EIF4H: variants seen among roughly 807,000 people sequenced by gnomAD.
EIF4H encodes the protein Williams-Beuren syndrome chromosome region 1.
EIF4H carries 8 observed loss-of-function variants against 30.6 expected under a neutral mutation model. That is an observed-to-expected ratio of 0.26 (90% CI 0.15 to 0.47). The LOEUF is 0.47. Ranked by LOEUF, EIF4H falls within the 20% of genes least tolerant of loss-of-function variation. The pLI, the probability that EIF4H is intolerant of heterozygous loss-of-function variation, is 0.99. For synonymous variants in EIF4H, 106 were observed against 122.7 expected (o/e 0.86, Z 0.90); for missense variants, 188 against 339.5 (o/e 0.55, Z 3.51).
chr7:74,174,376 G>T lies in EIF4H; in HGVS notation c.-8G>T. ...TCACCCTGGTTCCTCTCGGAGCGGA[G>T]ACGGCAAATGGCGGACTTCGACACC... On this transcript the variant is annotated 5_prime_UTR_variant, in exon 1 of 7. Coordinates refer to ENST00000265753, the MANE Select transcript of EIF4H (RefSeq NM_022170.2). 1.4e-6 allele frequency: 2 copies of T among 1,455,200 alleles called. No homozygotes were observed. The highest frequency in any genetic ancestry group is 1.8e-6 in the Non-Finnish European group (2 of 1,089,418). The allele number at this position is 1,455,200 out of a possible 1,614,324, so 90.1% of individuals were successfully genotyped here. A position where few individuals can be genotyped will look rare whatever the true frequency, so the allele number is the denominator to read the frequency against.
chr7:74,182,813 T>C (rs900251996), intron 1 of EIF4H, among the ~76,000 whole-genome samples: 3 of 152,226 alleles, frequency 2.0e-5, no homozygotes, highest in Non-Finnish European at 2.9e-5. Context: ...CAGTCTCCTT[T>C]GACACCTACA....
At position 74,186,788 on chromosome 7, in the gene EIF4H, A is replaced by AAT. The variant is rs1801089805; in HGVS notation, c.60-823_60-822insAT. ...GCCCATAATCAGGCAACAAGGAGAA[A>AAT]TTTTTTTTTTTTTTTTTTTTTTTTT... is the stretch of plus-strand genomic sequence containing the variant. On this transcript the variant is annotated intron_variant, in intron 1 of 6. Coordinates refer to ENST00000265753, the MANE Select transcript of EIF4H (RefSeq NM_022170.2). 1.7e-4 allele frequency among the ~76,000 whole-genome samples: 12 copies of AAT among 70,126 alleles called. 1 individual carries two copies. The highest frequency in any genetic ancestry group is 4.5e-4 in the East Asian group (1 of 2,226). 46.0% of individuals were successfully genotyped at this position (70,126 alleles called of 152,430 possible).
intron 5 of EIF4H, among the ~76,000 whole-genome samples, chr7:74,192,503 G>T (rs1279103158): frequency 6.6e-6 from 1 of 151,836 alleles, no homozygotes; most frequent in African/African-American, 2.4e-5. Context: ...CACCTTTAAA[G>T]AATAGAAATC....
chr7:74,194,976 GT>G (rs1801309523), intron 6 of EIF4H, 98 bp downstream of exon 6: 10 of 1,513,172 alleles, frequency 6.6e-6, no homozygotes, highest in Non-Finnish European at 8.9e-6. Flanking sequence ...GGCACACAGA[GT>G]TGTCGGCATA....
At position 74,187,530 on chromosome 7, in the gene EIF4H, G is replaced by A. The variant is rs893647929; in HGVS notation, c.60-81G>A. 1.8e-5 allele frequency: 25 copies of A among 1,368,224 alleles called. No individual in the cohort carries two copies. In the East Asian group the frequency reaches 4.6e-4, roughly 25 times the overall value. 84.8% of individuals were successfully genotyped at this position (1,368,224 alleles called of 1,614,324 possible). On this transcript the variant is annotated intron_variant, in intron 1 of 6. Coordinates refer to ENST00000265753, the MANE Select transcript of EIF4H (RefSeq NM_022170.2). ...GTGCCTCACCTGGGGCGCTGGCGGC[G>A]TAGCTCAGCGGAAGACCGCTTTACT...
chr7:74,186,788 A>AATTTT (rs1801089805), intron 1 of EIF4H, among the ~76,000 whole-genome samples: 3 of 70,110 alleles, frequency 4.3e-5, no homozygotes, highest in East Asian at 4.5e-4. Flanking sequence ...ACAAGGAGAA[A>AATTTT]TTTTTTTTTT....
At chr7:74,181,116 G>C (rs1800950970) in intron 1 of EIF4H, among the ~76,000 whole-genome samples, 1 of 152,184 alleles carries the variant, frequency 6.6e-6, no homozygotes, top group South Asian at 2.1e-4. Context: ...TCTAGTTCCA[G>C]AACCTTTTCA....
intron 5 of EIF4H, 30 bp downstream of exon 5, chr7:74,190,336 T>C: frequency 6.2e-7 from 1 of 1,608,678 alleles, no homozygotes; most frequent in Non-Finnish European, 8.5e-7. Flanking sequence ...CACCACTTAA[T>C]TTTTCCTAGG....
Position 74,174,415 on chromosome 7 carries a change from C to T in EIF4H, c.32C>T (p.Ala11Val), listed in dbSNP as rs782688044. The part of the protein sequence containing the change: MADFDTYDDR[A>V]YSSFGGGRGS... Reference sequence around the variant, plus strand: ...GACTTCGACACCTACGACGATCGGGCCTACAGCAGCTTCGGCGGCGGCAGA... The same window carrying T: ...GACTTCGACACCTACGACGATCGGGTCTACAGCAGCTTCGGCGGCGGCAGA... The change falls in exon 1 of 7, where the codon GCC (alanine) becomes GTC (valine). Residue 11 changes from alanine (A) to valine (V), a missense_variant. Physicochemically the swap from Ala to Val is moderately conservative, Grantham distance 64. Transcript: ENST00000265753. 2.1e-6 allele frequency: 3 copies of T among 1,452,274 alleles called. No homozygotes were observed. The highest frequency in any genetic ancestry group is 2.8e-6 in the Non-Finnish European group (3 of 1,088,140). 90.0% of individuals were successfully genotyped at this position (1,452,274 alleles called of 1,614,324 possible).
Position 74,197,084 on chromosome 7 carries a change from A to T in EIF4H, c.*1776A>T, listed in dbSNP as rs1801369880. On this transcript the variant is annotated 3_prime_UTR_variant, in exon 7 of 7. Transcript: ENST00000265753. The stretch of plus-strand genomic sequence containing the variant: ...TGAATGATCTTTTAAATAAAAGAAA[A>T]CCTTACGTAATATTTAATGCTTGCC... 1 of 152,520 alleles carries T rather than the reference A, an allele frequency of 6.6e-6. No individual in the cohort carries two copies. Among genetic ancestry groups the T allele is most frequent in the African/African-American group, 2.4e-5 (1 of 41,402 alleles). The allele number at this position is 152,520 out of a possible 1,614,324, so 9.4% of individuals were successfully genotyped here. A position where few individuals can be genotyped will look rare whatever the true frequency, so the allele number is the denominator to read the frequency against.
intron 5 of EIF4H, chr7:74,191,329 A>G (rs782125663): frequency 1.9e-6 from 1 of 522,422 alleles, no homozygotes; most frequent in Non-Finnish European, 3.9e-6. Context: ...AGCTCAGGGA[A>G]CGGCCTTTCC....
Position 74,188,794 on chromosome 7 carries a change from T to A in EIF4H, c.248-879T>A, listed in dbSNP as rs79334711. ...CAGCTCTAGAAGATGAGATTGGGTG[T>A]CTGTTGCTTCTGTGAAGTTGGGGGT... is the stretch of plus-strand genomic sequence containing the variant. On this transcript the variant is annotated intron_variant, in intron 2 of 6. Transcript: ENST00000265753. Among the ~76,000 whole-genome samples the A allele has an allele frequency of 3.7e-3, 558 of 152,178 alleles. 4 individuals carry two copies. Among genetic ancestry groups the A allele is most frequent in the African/African-American group, 0.013 (521 of 41,516 alleles).
rs1184981981 is a variant in EIF4H, at chr7:74,175,456, CTTTG to C, written c.59+1019_59+1022del. 2.6e-5 allele frequency among the ~76,000 whole-genome samples: 4 copies of C among 152,108 alleles called. No homozygotes were observed. In the South Asian group the frequency reaches 8.3e-4, roughly 32 times the overall value. On this transcript the variant is annotated intron_variant, in intron 1 of 6. Transcript: ENST00000265753. ...CTCCTGGGTTGCAGTCCAAAAGTAT[CTTTG>C]TTTGGTAAAGAATGATCACTTTTAA...
rs1554709260 is a variant in EIF4H at position 74,186,819 on chromosome 7, T to A, written c.60-792T>A. Among the ~76,000 whole-genome samples the A allele has an allele frequency of 4.5e-4, 39 of 86,690 alleles. 5 individuals are homozygous for A. The highest frequency in any genetic ancestry group is 2.2e-3 in the East Asian group (6 of 2,784). 56.9% of individuals were successfully genotyped at this position (86,690 alleles called of 152,430 possible). On this transcript the variant is annotated intron_variant, in intron 1 of 6. Transcript: ENST00000265753. ...TTTTTTTTTTTTTTTTTTTTTTTTT[T>A]TTTTTTTTTTTTTTTTTTTTTGAGA...
At chr7:74,191,269 C>G in intron 5 of EIF4H, 1 of 533,574 alleles carries the variant, frequency 1.9e-6, no homozygotes, top group Non-Finnish European at 3.8e-6. Context: ...TATGTATAAG[C>G]TAGTCTCTGA....
intron 1 of EIF4H, among the ~76,000 whole-genome samples, chr7:74,175,683 A>C (rs1800822981): frequency 6.6e-6 from 1 of 152,142 alleles, no homozygotes. Flanking sequence ...GTTTCTAAAC[A>C]TCAAATTTGT....
chr7:74,189,764 A>T, intron 3 of EIF4H, 27 bp downstream of exon 3: 2 of 1,614,204 alleles, frequency 1.2e-6, no homozygotes, highest in Non-Finnish European at 1.7e-6. Context: ...TTTCTCTGTC[A>T]TAGCAGTTGA....
At chr7:74,181,028 G>A (rs1584175205) in intron 1 of EIF4H, among the ~76,000 whole-genome samples, 2 of 152,038 alleles carry the variant, frequency 1.3e-5, no homozygotes, top group Admixed American at 6.6e-5. Flanking sequence ...GAGCCACCAC[G>A]CCCAGCCTCA....
intron 1 of EIF4H, among the ~76,000 whole-genome samples, chr7:74,180,162 A>G (rs1195362840): frequency 2.0e-5 from 3 of 152,176 alleles, no homozygotes; most frequent in Non-Finnish European, 2.9e-5. Context: ...GCACCACAGC[A>G]CTCAAATCTG....
Sources: gnomAD v4.1 joint callset for allele counts (sites outside exome capture counted in the v4.1 genomes callset) on GRCh38, gnomAD v4.1.1 for gene constraint, MANE v1.5 for transcripts, NCBI Gene and HGNC (gene_info 2026-07-23, HGNC 2026-07-21) for gene names.